MAGI1: variants seen among roughly 807,000 people sequenced by gnomAD.
MAGI1 encodes membrane-associated guanylate kinase, WW and PDZ domain-containing protein 1.
MAGI1 carries 58 observed loss-of-function variants against 139.9 expected under a neutral mutation model. The observed-to-expected ratio is 0.41, with a 90% confidence interval of 0.34 to 0.52. The LOEUF (loss-of-function observed/expected upper bound fraction) is 0.52, where lower values mean the gene tolerates loss of function less well. Among genes scored for constraint, MAGI1 ranks in the 20% least tolerant of loss-of-function variants. The pLI is 0.12. For missense variants in MAGI1, 1,874 were observed against 1,901.6 expected (o/e 0.99, Z 0.27); for synonymous variants, 812 against 737.9 (o/e 1.10, Z -1.63).
chr3:65,440,961 T>C (rs985265625), intron 8 of MAGI1, among the ~76,000 whole-genome samples: 2 of 151,530 alleles, frequency 1.3e-5, no homozygotes, highest in Non-Finnish European at 2.9e-5. Context: ...CGTATAAATA[T>C]ACATTATTTA....
chr3:65,593,523 T>C (rs1406481076), intron 2 of MAGI1, among the ~76,000 whole-genome samples: 1 of 152,208 alleles, frequency 6.6e-6, no homozygotes, highest in African/African-American at 2.4e-5. Flanking sequence ...ATAAACTATC[T>C]GGTTGGTGGA....
intron 1 of MAGI1, among the ~76,000 whole-genome samples, chr3:66,010,533 G>A (rs749174099): frequency 8.5e-5 from 13 of 152,092 alleles, no homozygotes; most frequent in African/African-American, 2.7e-4. Flanking sequence ...GGTGCAGGCC[G>A]GCAGATGATA....
At chr3:65,812,464 T>TCA (rs1266501515) in intron 1 of MAGI1, among the ~76,000 whole-genome samples, 6 of 93,654 alleles carry the variant, frequency 6.4e-5, no homozygotes, top group Non-Finnish European at 8.9e-5. Flanking sequence ...TCTCTCTCTC[T>TCA]CTCTCACACA....
chr3:65,816,036 T>C lies in MAGI1; in HGVS notation c.314-193948A>G, dbSNP rs1159373583. On this transcript the variant is annotated intron_variant, in intron 1 of 22. Transcript: ENST00000402939. Reference sequence around the variant, plus strand: ...AAAGTATTATTGTCTACAATGGTAGTTGTGAAAGTTGGCAGCTGATTGGAA... The same window carrying C: ...AAAGTATTATTGTCTACAATGGTAGCTGTGAAAGTTGGCAGCTGATTGGAA... Among the ~76,000 whole-genome samples, 5 of 152,162 alleles carry C rather than the reference T, an allele frequency of 3.3e-5. No homozygotes were observed. The East Asian group carries it at 5.8e-4, about 18-fold the overall frequency.
chr3:65,999,910 A>G (rs538395874), intron 1 of MAGI1, among the ~76,000 whole-genome samples: 198 of 151,686 alleles, frequency 1.3e-3, no homozygotes, highest in South Asian at 3.1e-3. Context: ...CATTTTAGTT[A>G]AACTAGGTAA....
At chr3:65,663,914 A>G (rs2086351890) in intron 1 of MAGI1, among the ~76,000 whole-genome samples, 1 of 152,220 alleles carries the variant, frequency 6.6e-6, no homozygotes, top group African/African-American at 2.4e-5. Flanking sequence ...CCACTGACCT[A>G]TAGCAAAGGA....
At chr3:66,021,273 C>T (rs1009093939) in intron 1 of MAGI1, among the ~76,000 whole-genome samples, 2 of 152,104 alleles carry the variant, frequency 1.3e-5, no homozygotes, top group Non-Finnish European at 2.9e-5. Context: ...AATATTCCAT[C>T]ATCACAGAAA....
In MAGI1 at chr3:65,361,299, G is replaced by C. The variant is rs1412898945; in HGVS notation, c.3534C>G (p.Thr1178=). ...TAGCTCGAGAATGCTTCATGTTTTT[G>C]GTGGTCTCACCATTGATCTCTAAAA... ...DEILEINGET[T]KNMKHSRAIE... Residue 1178 remains threonine, a synonymous_variant, in exon 22 of 23, where the codon ACC becomes ACG. Coordinates refer to ENST00000402939, the MANE Select transcript of MAGI1 (RefSeq NM_001033057.2). 4 of 1,613,870 alleles carry C rather than the reference G, an allele frequency of 2.5e-6. No homozygotes were observed. The highest frequency in any genetic ancestry group is 2.5e-6 in the Non-Finnish European group (3 of 1,179,978).
intron 1 of MAGI1, among the ~76,000 whole-genome samples, chr3:65,892,934 T>A (rs961731927): frequency 6.6e-6 from 1 of 152,210 alleles, no homozygotes; most frequent in Non-Finnish European, 1.5e-5. Flanking sequence ...CAAACAGAAA[T>A]GTGAGCTCAG....
intron 1 of MAGI1, among the ~76,000 whole-genome samples, chr3:65,805,639 G>T (rs549638005): frequency 2.0e-5 from 3 of 152,280 alleles, no homozygotes; most frequent in East Asian, 1.9e-4. Flanking sequence ...ACATGCACGT[G>T]TATGTTCACT....
At chr3:65,908,144 A>T (rs1249401817) in intron 1 of MAGI1, among the ~76,000 whole-genome samples, 1 of 152,234 alleles carries the variant, frequency 6.6e-6, no homozygotes, top group African/African-American at 2.4e-5. Context: ...AACAGAAGAC[A>T]TCAAATATTG....
rs558270441 is a variant in MAGI1, at chr3:65,849,001, CTTTTTTTTTTTTTTTTTTTT to C, written c.313+188975_313+188994del. 5.3e-4 allele frequency among the ~76,000 whole-genome samples: 21 copies of C among 39,644 alleles called. 1 individual carries two copies. The East Asian group carries it at 9.0e-3, about 17-fold the overall frequency. The allele number at this position is 39,644 out of a possible 152,430, so 26.0% of individuals were successfully genotyped here. On this transcript the variant is annotated intron_variant, in intron 1 of 22. Transcript: ENST00000402939. ...GCAGCTCAAGACTATTCAGAGCATT[CTTTTTTTTTTTTTTTTTTTT>C]TTTTTTTTTTTTTTTTTTTGAGATG...
intron 2 of MAGI1, among the ~76,000 whole-genome samples, chr3:65,552,596 T>G (rs1223926997): frequency 6.6e-6 from 1 of 152,076 alleles, no homozygotes; most frequent in South Asian, 2.1e-4. Flanking sequence ...GACAAGAAAA[T>G]GAGGGCTTGG....
chr3:65,621,940 C>CACACACACACACACAG lies in MAGI1; in HGVS notation c.430+31_430+32insCTGTGTGTGTGTGTGT, dbSNP rs1434800362. 4.1e-6 allele frequency: 6 copies of CACACACACACACACAG among 1,453,670 alleles called. No individual in the cohort carries two copies. In the African/African-American group the frequency reaches 8.4e-5, roughly 20 times the overall value. The allele number at this position is 1,453,670 out of a possible 1,614,324, so 90.0% of individuals were successfully genotyped here. A position where few individuals can be genotyped will look rare whatever the true frequency, so the allele number is the denominator to read the frequency against. ...TTTCACACACACACACACACACACA[C>CACACACACACACACAG]AGCAGTGAGATGCCAAAGTCCAACT... is the stretch of plus-strand genomic sequence containing the variant. On this transcript the variant is annotated intron_variant, in intron 2 of 22. Transcript: ENST00000402939.
At chr3:65,372,913 G>A (rs1200897000) in intron 18 of MAGI1, among the ~76,000 whole-genome samples, 6 of 152,200 alleles carry the variant, frequency 3.9e-5, no homozygotes. Flanking sequence ...TCTGGCATAA[G>A]GGAATGTTGT....
intron 1 of MAGI1, among the ~76,000 whole-genome samples, chr3:65,853,718 T>C (rs980049037): frequency 6.6e-6 from 1 of 152,194 alleles, no homozygotes; most frequent in Admixed American, 6.5e-5. Flanking sequence ...TTTTATTAAA[T>C]GATTTCAAAA....
At chr3:65,492,227 G>T (rs1952090315) in intron 3 of MAGI1, among the ~76,000 whole-genome samples, 1 of 152,122 alleles carries the variant, frequency 6.6e-6, no homozygotes, top group African/African-American at 2.4e-5. Context: ...CACCACTTCT[G>T]CCTCAAATAA....
rs564492948 is a variant in MAGI1 at position 65,927,062 on chromosome 3, C to T, written c.313+110934G>A. ...AATTGCCCACCCCTTCCCTGGAAAA[C>T]TCATGAATAATCCACCCCTTGTGTA... On this transcript the variant is annotated intron_variant, in intron 1 of 22. Coordinates refer to ENST00000402939, the MANE Select transcript of MAGI1 (RefSeq NM_001033057.2). Among the ~76,000 whole-genome samples the T allele has an allele frequency of 2.0e-5, 3 of 152,292 alleles. No homozygotes were observed. In the East Asian group the frequency reaches 5.8e-4, roughly 29 times the overall value.
At chr3:65,949,095 T>G (rs1003001180) in intron 1 of MAGI1, among the ~76,000 whole-genome samples, 1 of 152,176 alleles carries the variant, frequency 6.6e-6, no homozygotes, top group Non-Finnish European at 1.5e-5. Context: ...CGGAGCACAC[T>G]TCCATTGCTG....
Sources: gnomAD v4.1 joint callset for allele counts (sites outside exome capture counted in the v4.1 genomes callset) on GRCh38, gnomAD v4.1.1 for gene constraint, MANE v1.5 for transcripts, NCBI Gene and HGNC (gene_info 2026-07-23, HGNC 2026-07-21) for gene names.